The following NF2 variants were observed in gnomAD, a reference collection of about 807,000 sequenced individuals.
The protein encoded by NF2 is merlin.
NF2 carries 8 observed loss-of-function variants against 83.7 expected under a neutral mutation model. The ratio of observed to expected loss-of-function variants is 0.10; its 90% CI spans 0.06 to 0.17. NF2 has a LOEUF of 0.17. Among genes scored for constraint, NF2 ranks in the 10% least tolerant of loss-of-function variants. The pLI is 1.00. For missense variants in NF2, 533 were observed against 744.4 expected (o/e 0.72, Z 3.31); for synonymous variants, 266 against 269.6 (o/e 0.99, Z 0.13).
intron 9 of NF2, among the ~76,000 whole-genome samples, chr22:29,666,727 A>G (rs981828219): frequency 1.3e-5 from 2 of 152,212 alleles, no homozygotes; most frequent in Admixed American, 6.5e-5. Flanking sequence ...CTGTAATCCC[A>G]GCACTTTGGG....
intron 7 of NF2, among the ~76,000 whole-genome samples, chr22:29,658,709 GCTAATTGGTTTTCTATTCAGA>G (rs915519513): frequency 1.4e-5 from 2 of 147,736 alleles, no homozygotes; most frequent in Non-Finnish European, 3.0e-5. Flanking sequence ...TCACTATGAG[GCTAATTGGTTTTCTATTCAGA>G]CTATTAATAG....
intron 1 of NF2, among the ~76,000 whole-genome samples, chr22:29,614,550 C>T (rs2065034831): frequency 6.8e-6 from 1 of 146,690 alleles, no homozygotes; most frequent in African/African-American, 2.6e-5. Context: ...CTACTGCACT[C>T]CGGCCTGGGC....
At chr22:29,671,408 A>G (rs1400501109) in intron 10 of NF2, among the ~76,000 whole-genome samples, 1 of 152,170 alleles carries the variant, frequency 6.6e-6, no homozygotes, top group Non-Finnish European at 1.5e-5. Flanking sequence ...GGGTGCCTAT[A>G]GTCCCAGCTA....
intron 6 of NF2, among the ~76,000 whole-genome samples, chr22:29,657,663 C>T (rs2066352501): frequency 6.6e-6 from 1 of 152,186 alleles, no homozygotes; most frequent in African/African-American, 2.4e-5. Context: ...CAAGAGCTTA[C>T]TTTAAATTAT....
intron 6 of NF2, among the ~76,000 whole-genome samples, chr22:29,656,885 T>TA (rs915444072): frequency 7.8e-5 from 10 of 128,180 alleles, no homozygotes; most frequent in Non-Finnish European, 1.4e-4. Flanking sequence ...CAATTGTTTT[T>TA]ATCAGTCTAA....
At chr22:29,635,037 C>A (rs1255935991) in intron 1 of NF2, among the ~76,000 whole-genome samples, 3 of 152,092 alleles carry the variant, frequency 2.0e-5, no homozygotes, top group South Asian at 2.1e-4. Flanking sequence ...GAGAAACGGC[C>A]CTGCTAAAAG....
chr22:29,691,512 G>A (rs1393658625), intron 15 of NF2, among the ~76,000 whole-genome samples: 3 of 152,232 alleles, frequency 2.0e-5, no homozygotes, highest in Non-Finnish European at 2.9e-5. Flanking sequence ...AAACTTGTTA[G>A]CTGGTTTTCA....
chr22:29,659,870 G>T (rs1179804008), intron 7 of NF2, among the ~76,000 whole-genome samples: 1 of 152,170 alleles, frequency 6.6e-6, no homozygotes, highest in Non-Finnish European at 1.5e-5. Context: ...TCATGGCTTT[G>T]CTGACGAGCA....
intron 1 of NF2, among the ~76,000 whole-genome samples, chr22:29,611,525 A>G (rs2146705001): frequency 6.6e-6 from 1 of 152,268 alleles, no homozygotes; most frequent in South Asian, 2.1e-4. Flanking sequence ...CTCAAAACAA[A>G]CAAACAAACA....
intron 13 of NF2, 32 bp downstream of exon 13, chr22:29,674,973 T>C: frequency 1.3e-6 from 2 of 1,527,102 alleles, no homozygotes; most frequent in Non-Finnish European, 1.8e-6. Flanking sequence ...TGGGGCTGCC[T>C]TAGTCCTGGT....
At chr22:29,658,332 A>G (rs912859140) in intron 7 of NF2, 68 bp downstream of exon 7, 3 of 1,336,780 alleles carry the variant, frequency 2.2e-6, no homozygotes, top group Middle Eastern at 1.8e-4. Flanking sequence ...GACTGCTAAA[A>G]TGGTTACTTC....
At chr22:29,611,302 C>G (rs1262760178) in intron 1 of NF2, among the ~76,000 whole-genome samples, 1 of 152,094 alleles carries the variant, frequency 6.6e-6, no homozygotes, top group Non-Finnish European at 1.5e-5. Context: ...TTGGAGGGAT[C>G]ACTTGAGGTC....
chr22:29,640,477 A>C (rs1176240748), intron 3 of NF2, among the ~76,000 whole-genome samples: 1 of 152,218 alleles, frequency 6.6e-6, no homozygotes, highest in Non-Finnish European at 1.5e-5. Context: ...AACTGGTCTG[A>C]GGATGAAAAC....
intron 4 of NF2, among the ~76,000 whole-genome samples, chr22:29,653,164 G>A (rs897682251): frequency 1.3e-5 from 2 of 152,108 alleles, no homozygotes; most frequent in Non-Finnish European, 2.9e-5. Flanking sequence ...TGACAAATTA[G>A]GCCAGGCGCG....
intron 1 of NF2, chr22:29,609,340 C>T (rs1335574032): frequency 4.7e-6 from 3 of 639,212 alleles, no homozygotes. Flanking sequence ...CTATAGAGGT[C>T]GCTGGTGGAA....
chr22:29,615,108 C>T lies in NF2; in HGVS notation c.114+10996C>T, dbSNP rs555500633. On this transcript the variant is annotated intron_variant, in intron 1 of 15. Coordinates refer to ENST00000338641, the MANE Select transcript of NF2 (RefSeq NM_000268.4). ...CTGAGACATGAGAATCACTTGAACT[C>T]GGGAGGTGGAGGTTGCAGTGAGCTC... Among the ~76,000 whole-genome samples, 10 of 152,160 alleles carry T rather than the reference C, an allele frequency of 6.6e-5. No homozygotes were observed. The South Asian group carries it at 8.3e-4, about 13-fold the overall frequency.
intron 15 of NF2, among the ~76,000 whole-genome samples, chr22:29,684,317 C>T (rs1424203499): frequency 1.3e-5 from 2 of 152,278 alleles, no homozygotes; most frequent in East Asian, 1.9e-4. Flanking sequence ...CCAGCATTGT[C>T]ACGGGCAGGC....
chr22:29,609,914 G>GT (rs1318131144), intron 1 of NF2, among the ~76,000 whole-genome samples: 1 of 151,904 alleles, frequency 6.6e-6, no homozygotes, highest in Non-Finnish European at 1.5e-5. Flanking sequence ...AAGTCTTAAT[G>GT]TTTTTTTCTA....
chr22:29,673,194 C>A, intron 11 of NF2, 75 bp from the exon 12 acceptor site: 1 of 1,469,068 alleles, frequency 6.8e-7, no homozygotes, highest in Non-Finnish European at 9.3e-7. Flanking sequence ...TTTGTCCCAT[C>A]TCAGTGTTCA....
Sources: gnomAD v4.1 joint callset for allele counts (sites outside exome capture counted in the v4.1 genomes callset) on GRCh38, gnomAD v4.1.1 for gene constraint, MANE v1.5 for transcripts, NCBI Gene and HGNC (gene_info 2026-07-23, HGNC 2026-07-21) for gene names.